The following ANO6 variants were observed in gnomAD, a reference collection of about 807,000 sequenced individuals.
The protein encoded by ANO6 is anoctamin 6.
A neutral mutation model predicts 117.5 loss-of-function variants in ANO6; 106 were observed. The observed-to-expected ratio is 0.90, with a 90% confidence interval of 0.77 to 1.06. The LOEUF (loss-of-function observed/expected upper bound fraction) is 1.06. Ranked by LOEUF, ANO6 falls within the 50% of genes least tolerant of loss-of-function variation. The pLI is 0.00. For missense variants in ANO6, 955 were observed against 1,121.1 expected (o/e 0.85, Z 2.12); for synonymous variants, 367 against 385.1 (o/e 0.95, Z 0.55).
At chr12:45,377,969 G>T in intron 9 of ANO6, 84 bp from the exon 10 acceptor site, 2 of 1,328,558 alleles carry the variant, frequency 1.5e-6, no homozygotes, top group South Asian at 2.4e-5. Context: ...CTTCAAGACT[G>T]TAGAATAGAC....
At chr12:45,379,716 A>G (rs958524412) in intron 10 of ANO6, among the ~76,000 whole-genome samples, 11 of 152,244 alleles carry the variant, frequency 7.2e-5, no homozygotes, top group Admixed American at 4.6e-4. Context: ...GTTAATTTTG[A>G]CACTAGAAAG....
In ANO6 at chr12:45,431,057, A is replaced by T. The variant is rs3803176; in HGVS notation, c.*1746A>T. 0.089 allele frequency: 87,933 copies of T among 985,204 alleles called. 6,004 individuals carry two copies. Among genetic ancestry groups the T allele is most frequent in the East Asian group, 0.33 (2,928 of 8,796 alleles). 61.0% of individuals were successfully genotyped at this position (985,204 alleles called of 1,614,324 possible). ...GCCTGCCATGAATGATTTGTAAGTA[A>T]TTATGTAGGATCCATCAAAGCAGTA... On this transcript the variant is annotated 3_prime_UTR_variant, in exon 20 of 20. Transcript: ENST00000320560.
rs1439727112 is a variant in ANO6, at chr12:45,291,670, G to A, written c.71-10344G>A. Among the ~76,000 whole-genome samples, 6 of 152,172 alleles carry A rather than the reference G, an allele frequency of 3.9e-5. No homozygotes were observed. In the East Asian group the frequency reaches 1.2e-3, roughly 29 times the overall value. On this transcript the variant is annotated intron_variant, in intron 1 of 19. Transcript: ENST00000320560. ...GAGCATTTTTGATGTTTTTCCAAAA[G>A]AATATGTACAGATATCTAATAGCAC... is the stretch of plus-strand genomic sequence containing the variant.
chr12:45,237,654 G>A (rs937256148), intron 1 of ANO6, among the ~76,000 whole-genome samples: 1 of 152,204 alleles, frequency 6.6e-6, no homozygotes, highest in African/African-American at 2.4e-5. Flanking sequence ...AAGTCAGGTA[G>A]CGTGATGCCT....
rs1939509983 is a variant in ANO6 at position 45,302,055 on chromosome 12, T to A, written c.112T>A (p.Ser38Thr). 6.2e-7 allele frequency: 1 copy of A among 1,613,930 alleles called. No homozygotes were observed. ...ACAGACAATTGTCCCCGATTTGGGA[T>A]CACTGGAAAGTCAGCATGATTTTCG... ...LGQTIVPDLG[S>T]LESQHDFRTP... The change falls in exon 2 of 20, where the codon TCA becomes ACA. Residue 38 changes from serine to threonine, a missense_variant. Transcript: ENST00000320560.
At chr12:45,424,172 C>T (rs963232785) in intron 19 of ANO6, among the ~76,000 whole-genome samples, 2 of 151,854 alleles carry the variant, frequency 1.3e-5, no homozygotes, top group Non-Finnish European at 2.9e-5. Flanking sequence ...TTGGCCTTCT[C>T]CTTTTGATAT....
chr12:45,236,311 C>T (rs1238318295), intron 1 of ANO6, among the ~76,000 whole-genome samples: 1 of 151,922 alleles, frequency 6.6e-6, no homozygotes, highest in Non-Finnish European at 1.5e-5. Flanking sequence ...ATACATGTAC[C>T]ATGTTGGTTT....
Position 45,243,731 on chromosome 12 carries a change from G to A in ANO6, c.70+27340G>A, listed in dbSNP as rs150683574. On this transcript the variant is annotated intron_variant, in intron 1 of 19. Coordinates refer to ENST00000320560, the MANE Select transcript of ANO6 (RefSeq NM_001025356.3). ...TGCCTGGCTAATTTTTGTGTTTTTT[G>A]TAGAGATGGGGTTTTGCCATGTTGG... Among the ~76,000 whole-genome samples the A allele has an allele frequency of 1.4e-3, 210 of 152,132 alleles. 1 individual carries two copies. Among genetic ancestry groups the A allele is most frequent in the African/African-American group, 4.8e-3 (199 of 41,506 alleles).
chr12:45,318,677 T>G (rs1370873719), intron 2 of ANO6, among the ~76,000 whole-genome samples: 4 of 152,188 alleles, frequency 2.6e-5, no homozygotes, highest in African/African-American at 9.6e-5. Context: ...ATTGGTAGCT[T>G]GATGGGGATG....
intron 1 of ANO6, chr12:45,228,129 T>G (rs977986306): frequency 2.5e-5 from 9 of 355,354 alleles, no homozygotes; most frequent in East Asian, 8.3e-5. Flanking sequence ...TGTTGTTTTT[T>G]TTTTTTTTTT....
chr12:45,277,800 T>C lies in ANO6; in HGVS notation c.71-24214T>C, dbSNP rs142926917. Among the ~76,000 whole-genome samples the C allele has an allele frequency of 1.1e-4, 17 of 152,278 alleles. No homozygotes were observed. In the East Asian group the frequency reaches 3.1e-3, roughly 28 times the overall value. On this transcript the variant is annotated intron_variant, in intron 1 of 19. Transcript: ENST00000320560. ...TTCCTGCCATTCTGACTTATGATCCTTTGTATGAAAAACTTTTCCGCTCTG... is the reference window on the plus strand; with the variant it reads ...TTCCTGCCATTCTGACTTATGATCCCTTGTATGAAAAACTTTTCCGCTCTG...
At chr12:45,309,789 A>G (rs1939791781) in intron 2 of ANO6, among the ~76,000 whole-genome samples, 1 of 152,142 alleles carries the variant, frequency 6.6e-6, no homozygotes, top group Non-Finnish European at 1.5e-5. Context: ...CTCTTGGTTA[A>G]GCATTTTTTC....
intron 1 of ANO6, among the ~76,000 whole-genome samples, chr12:45,238,181 C>G (rs1313143733): frequency 7.2e-6 from 1 of 139,326 alleles, no homozygotes; most frequent in African/African-American, 2.8e-5. Flanking sequence ...GACAGAGTCT[C>G]ACTCTGTCGC....
chr12:45,329,425 G>A (rs549760464), intron 2 of ANO6, among the ~76,000 whole-genome samples: 1 of 152,244 alleles, frequency 6.6e-6, no homozygotes, highest in African/African-American at 2.4e-5. Context: ...CCAAGTCAGT[G>A]AGGTTTTCCT....
At chr12:45,284,877 A>G (rs898247779) in intron 1 of ANO6, among the ~76,000 whole-genome samples, 1 of 152,232 alleles carries the variant, frequency 6.6e-6, no homozygotes, top group Non-Finnish European at 1.5e-5. Flanking sequence ...AATTTAAGAC[A>G]TTTAATCCTG....
At chr12:45,432,584 A>G (rs1036337450), downstream of ANO6, among the ~76,000 whole-genome samples, 1 of 152,244 alleles carries the variant, frequency 6.6e-6, no homozygotes, top group Non-Finnish European at 1.5e-5. Context: ...CTTTTCATCA[A>G]TCTAGCAAAT....
At chr12:45,425,558 G>A (rs1007584580) in intron 19 of ANO6, among the ~76,000 whole-genome samples, 7 of 152,160 alleles carry the variant, frequency 4.6e-5, no homozygotes, top group East Asian at 3.8e-4. Context: ...CAGTAACAAC[G>A]GAAGCCAGAA....
intron 1 of ANO6, among the ~76,000 whole-genome samples, chr12:45,238,925 C>G (rs1947692259): frequency 6.6e-6 from 1 of 152,202 alleles, no homozygotes; most frequent in Non-Finnish European, 1.5e-5. Flanking sequence ...TTTTGATGTG[C>G]TGCTGGATTT....
chr12:45,266,840 G>A (rs1288435891), intron 1 of ANO6, among the ~76,000 whole-genome samples: 2 of 141,364 alleles, frequency 1.4e-5, no homozygotes, highest in African/African-American at 5.2e-5. Context: ...GTGTGTGTGT[G>A]TGTATAATAT....
Sources: allele counts gnomAD v4.1 joint callset (sites outside exome capture counted in the v4.1 genomes callset), GRCh38; gene constraint gnomAD v4.1.1; transcripts MANE v1.5; gene names NCBI Gene and HGNC (gene_info 2026-07-23, HGNC 2026-07-21).